ADCY5: variants seen among roughly 807,000 people sequenced by gnomAD.
The protein encoded by ADCY5 is adenylate cyclase 5.
A neutral mutation model predicts 119.7 loss-of-function variants in ADCY5; 30 were observed. The observed-to-expected ratio is 0.25, with a 90% CI of 0.19 to 0.34. The LOEUF is 0.34. ADCY5 is among the 10% of genes least tolerant of loss of function. ADCY5 has a pLI of 1.00. For synonymous variants in ADCY5, 753 were observed against 762.2 expected (o/e 0.99, Z 0.20); for missense variants, 1,324 against 1,775.2 (o/e 0.75, Z 4.57).
chr3:123,329,468 AC>A (rs1272584988), intron 5 of ADCY5, among the ~76,000 whole-genome samples: 1 of 151,956 alleles, frequency 6.6e-6, no homozygotes, highest in African/African-American at 2.4e-5. Flanking sequence ...TGCACTTATA[AC>A]TCCTCATGCT....
chr3:123,345,769 G>GACAGACACACAGACACACACACACAC (rs57198270), intron 3 of ADCY5, among the ~76,000 whole-genome samples: 63 of 113,820 alleles, frequency 5.5e-4, no homozygotes, highest in Admixed American at 8.3e-4. Context: ...CAGACAGACA[G>GACAGACACACAGACACACACACACAC]ACACACACAC....
At chr3:123,389,487 G>A (rs551265314) in intron 1 of ADCY5, among the ~76,000 whole-genome samples, 1 of 147,590 alleles carries the variant, frequency 6.8e-6, no homozygotes, top group East Asian at 2.2e-4. Context: ...TACAGGGAGA[G>A]TTTTCGCAAA....
Position 123,296,123 on chromosome 3 carries a change from C to T in ADCY5, c.3024G>A (p.Val1008=), listed in dbSNP as rs777071342. 4 of 1,614,084 alleles carry T rather than the reference C, an allele frequency of 2.5e-6. No homozygotes were observed. In the Admixed American group the frequency reaches 5.0e-5, roughly 20 times the overall value. Residue 1008 remains valine, a synonymous_variant, in exon 17 of 21, where the codon GTG becomes GTA. Transcript: ENST00000462833. ...VLALYLHAQQ[V]ESTARLDFLW... ...GGAAGTCGAGGCGGGCAGTGGACTC[C>T]ACCTGCTGGGCGTGCAGGTACAGGG...
At chr3:123,310,622 G>A (rs80232534) in intron 12 of ADCY5, among the ~76,000 whole-genome samples, 5,501 of 152,282 alleles carry the variant, frequency 0.036, 310 homozygotes, top group African/African-American at 0.12. Flanking sequence ...TTTTCTCTAC[G>A]AAAAGCAGTT....
rs763516538 is a variant in ADCY5, at chr3:123,447,585, G to C, written c.961C>G (p.Gln321Glu). Residue 321 changes from glutamine to glutamate, a missense_variant, in exon 1 of 21, where the codon CAG becomes GAG. By Grantham distance (29) the Gln-to-Glu change is conservative. Coordinates refer to ENST00000462833, the MANE Select transcript of ADCY5 (RefSeq NM_183357.3). ...AVQVVGLLLP[Q>E]PRSASEGIWW... ...ATGCCCTCAGAGGCGCTGCGTGGCT[G>C]CGGCAGCAGCAGGCCCACCACCTGG... 2 of 1,607,770 alleles carry C rather than the reference G, an allele frequency of 1.2e-6. No individual in the cohort carries two copies. Among genetic ancestry groups the C allele is most frequent in the African/African-American group, 2.7e-5 (2 of 74,908 alleles).
At chr3:123,373,785 G>A (rs1158661910) in intron 1 of ADCY5, among the ~76,000 whole-genome samples, 1 of 68,256 alleles carries the variant, frequency 1.5e-5, no homozygotes, top group Admixed American at 2.4e-4. Context: ...CCCCCCGCAG[G>A]TAGCAGAGGA....
At position 123,339,332 on chromosome 3, in the gene ADCY5, G is replaced by A. The variant is rs191988843; in HGVS notation, c.1407-6657C>T. On this transcript the variant is annotated intron_variant, in intron 3 of 20. Transcript: ENST00000462833. ...CAAGGAGTCACTCATGTCCTTTAGG[G>A]GAGTTAGCACAATCAGGTGTGGTCT... Among the ~76,000 whole-genome samples, 206 of 152,250 alleles carry A rather than the reference G, an allele frequency of 1.4e-3. 1 individual carries two copies. The highest frequency in any genetic ancestry group is 3.7e-4 in the Non-Finnish European group (25 of 68,018).
rs544883593 is a variant in ADCY5, at chr3:123,282,895, C to G, written c.*1713G>C. On this transcript the variant is annotated 3_prime_UTR_variant, in exon 21 of 21. Coordinates refer to ENST00000462833, the MANE Select transcript of ADCY5 (RefSeq NM_183357.3). ...GCTCATGTTGGAGGTGAAGATCATT[C>G]TAACCTGAGAAGCAATGGAAAGATT... 2.6e-5 allele frequency: 4 copies of G among 152,332 alleles called. No homozygotes were observed. The East Asian group carries it at 7.7e-4, about 29-fold the overall frequency. 9.4% of individuals were successfully genotyped at this position (152,332 alleles called of 1,614,324 possible). A position where few individuals can be genotyped will look rare whatever the true frequency, so the allele number is the denominator to read the frequency against.
At chr3:123,433,450 G>A (rs150105453) in intron 1 of ADCY5, among the ~76,000 whole-genome samples, 175 of 152,280 alleles carry the variant, frequency 1.1e-3, no homozygotes, top group African/African-American at 4.0e-3. Context: ...ACAAACAGCC[G>A]TCCCATCCCC....
chr3:123,291,854 T>G (rs1029778722), intron 17 of ADCY5, among the ~76,000 whole-genome samples: 70 of 152,080 alleles, frequency 4.6e-4, no homozygotes, highest in African/African-American at 1.6e-3. Flanking sequence ...GACGGACCTG[T>G]GGGGGAAAAC....
At chr3:123,374,842 C>T (rs577289687) in intron 1 of ADCY5, among the ~76,000 whole-genome samples, 1 of 152,254 alleles carries the variant, frequency 6.6e-6, no homozygotes, top group Admixed American at 6.5e-5. Context: ...CCCACCCAAG[C>T]CTGGGGAAAC....
At chr3:123,350,922 T>C (rs1011462185) in intron 2 of ADCY5, among the ~76,000 whole-genome samples, 2 of 151,806 alleles carry the variant, frequency 1.3e-5, no homozygotes, top group African/African-American at 4.8e-5. Context: ...ATGGGGATGA[T>C]GAGGGGCTTT....
At chr3:123,396,021 G>GGAGGGAGGAAGAGAGGGAGGGAGGGAGA (rs1944541001) in intron 1 of ADCY5, among the ~76,000 whole-genome samples, 1 of 54,114 alleles carries the variant, frequency 1.8e-5, no homozygotes, top group African/African-American at 6.8e-5. Context: ...AAAGAGAGAG[G>GGAGGGAGGAAGAGAGGGAGGGAGGGAGA]GAGGGAGGGA....
rs1460439956 is a variant in ADCY5 at position 123,326,465 on chromosome 3, A to T, written c.1948-1003T>A. Among the ~76,000 whole-genome samples the T allele has an allele frequency of 1.5e-4, 23 of 152,140 alleles. 1 individual carries two copies. The highest frequency in any genetic ancestry group is 1.5e-3 in the Admixed American group (23 of 15,282). On this transcript the variant is annotated intron_variant, in intron 7 of 20. Coordinates refer to ENST00000462833, the MANE Select transcript of ADCY5 (RefSeq NM_183357.3). ...CTGTTACTCTTTCTGTCTCCATTTCATCCTTTTTGGACCGCTTGTCCAGCT... is the reference window on the plus strand; with the variant it reads ...CTGTTACTCTTTCTGTCTCCATTTCTTCCTTTTTGGACCGCTTGTCCAGCT...
intron 1 of ADCY5, among the ~76,000 whole-genome samples, chr3:123,402,235 G>A (rs1160609273): frequency 6.6e-6 from 1 of 152,250 alleles, no homozygotes; most frequent in African/African-American, 2.4e-5. Flanking sequence ...GGGCACGTGA[G>A]AGATGCCTAG....
At chr3:123,411,937 C>G (rs1945061271) in intron 1 of ADCY5, among the ~76,000 whole-genome samples, 1 of 152,186 alleles carries the variant, frequency 6.6e-6, no homozygotes. Flanking sequence ...CCTGTGGGCC[C>G]AGGTACCAAG....
In ADCY5 at chr3:123,347,739, G is replaced by C. The variant is rs372633095; in HGVS notation, c.1406+43C>G. ...AGTGGGATGTCTCCACAGGGGTCCA[G>C]CTCTCCCTCCCTTCCATCCTCCTCC... On this transcript the variant is annotated intron_variant, in intron 3 of 20. Transcript: ENST00000462833. 1,194 of 1,610,698 alleles carry C rather than the reference G, an allele frequency of 7.4e-4. 1 individual carries two copies. Among genetic ancestry groups the C allele is most frequent in the Non-Finnish European group, 9.2e-4 (1,088 of 1,177,886 alleles).
chr3:123,416,333 G>C (rs142909827), intron 1 of ADCY5: 8 of 1,533,876 alleles, frequency 5.2e-6, no homozygotes, highest in Middle Eastern at 3.3e-4. Context: ...CCTTCCCTAG[G>C]ACATTTATAG....
intron 18 of ADCY5, among the ~76,000 whole-genome samples, chr3:123,290,296 C>T (rs1352542287): frequency 6.6e-6 from 1 of 152,178 alleles, no homozygotes; most frequent in Admixed American, 6.5e-5. Context: ...TCCATTTGTC[C>T]AGCAGGCAAA....
Sources: gnomAD v4.1 joint callset for allele counts (sites outside exome capture counted in the v4.1 genomes callset) on GRCh38, gnomAD v4.1.1 for gene constraint, MANE v1.5 for transcripts, NCBI Gene and HGNC (gene_info 2026-07-23, HGNC 2026-07-21) for gene names.